Variants in COL21A1 observed in about 807,000 individuals in gnomAD.
COL21A1 encodes collagen alpha-1(XXI) chain.
COL21A1 carries 149 observed loss-of-function variants against 137.9 expected under a neutral mutation model. The observed-to-expected ratio is 1.08, with a 90% CI of 0.95 to 1.24. The LOEUF is 1.24. Among genes scored for constraint, COL21A1 ranks in the 50% most tolerant of loss-of-function variants. The probability of loss-of-function intolerance (pLI) is 0.00; values close to 1 mark genes in which losing one functional copy is unlikely to be tolerated. For synonymous variants in COL21A1, 456 were observed against 391.5 expected (o/e 1.16, Z -1.95); for missense variants, 1,167 against 1,158.4 (o/e 1.01, Z -0.11).
At chr6:56,091,726 G>A (rs942327166) in intron 17 of COL21A1, 1 of 152,218 alleles carries the variant, frequency 6.6e-6, no homozygotes, top group Non-Finnish European at 1.5e-5. Context: ...TTGAGCACCA[G>A]GACAAAAATA....
chr6:56,385,405 C>A (rs1300139246), intron 1 of COL21A1, among the ~76,000 whole-genome samples: 1 of 152,134 alleles, frequency 6.6e-6, no homozygotes, highest in Non-Finnish European at 1.5e-5. Context: ...CATTTTCTTG[C>A]CTTTTCCAGC....
intron 16 of COL21A1, among the ~76,000 whole-genome samples, chr6:56,109,114 A>G (rs1336580700): frequency 6.6e-6 from 1 of 151,808 alleles, no homozygotes; most frequent in Non-Finnish European, 1.5e-5. Context: ...TAGATAAAAA[A>G]TAACAAAAAA....
chr6:56,104,088 A>G (rs1582364732), intron 16 of COL21A1, among the ~76,000 whole-genome samples: 2 of 152,304 alleles, frequency 1.3e-5, no homozygotes, highest in Middle Eastern at 6.8e-3. Context: ...TGTCTTGTTT[A>G]TATGTGTTAT....
rs117140341 is a variant in COL21A1 at position 56,378,002 on chromosome 6, C to T, written c.-39+15969G>A. On this transcript the variant is annotated intron_variant, in intron 1 of 28. Coordinates refer to the COL21A1 transcript ENST00000370819. ...GAACCTGCTTCCCTAAAGGGAAGGA[C>T]CCAGTCCTAGCAGCATTCGTCACCT... Among the ~76,000 whole-genome samples, 32 of 152,184 alleles carry T rather than the reference C, an allele frequency of 2.1e-4. No homozygotes were observed. The East Asian group carries it at 6.0e-3, about 29-fold the overall frequency.
intron 1 of COL21A1, among the ~76,000 whole-genome samples, chr6:56,356,990 C>T (rs1342566136): frequency 6.6e-6 from 1 of 151,834 alleles, no homozygotes; most frequent in Non-Finnish European, 1.5e-5. Context: ...TTTTTCTGGG[C>T]CCACTAAAGA....
chr6:56,317,513 A>G (rs894629069), intron 1 of COL21A1, among the ~76,000 whole-genome samples: 1 of 152,082 alleles, frequency 6.6e-6, no homozygotes, highest in Non-Finnish European at 1.5e-5. Flanking sequence ...AGAAATTTCA[A>G]AATCATGTAG....
upstream of COL21A1, among the ~76,000 whole-genome samples, chr6:56,250,427 C>T (rs1275553172): frequency 6.6e-6 from 1 of 152,262 alleles, no homozygotes; most frequent in African/African-American, 2.4e-5. Context: ...GAACTGCCTG[C>T]GGAGGTCACA....
At chr6:56,358,103 A>AAT (rs777414122) in intron 1 of COL21A1, among the ~76,000 whole-genome samples, 63 of 152,278 alleles carry the variant, frequency 4.1e-4, no homozygotes, top group Admixed American at 1.4e-3. Context: ...ATCATTTAGC[A>AAT]ATATTTCAGT....
At chr6:56,079,575 C>T (rs1055006821) in intron 17 of COL21A1, among the ~76,000 whole-genome samples, 4 of 151,554 alleles carry the variant, frequency 2.6e-5, no homozygotes, top group Non-Finnish European at 5.9e-5. Context: ...CCACAGTTTA[C>T]TCCTTGGATT....
At chr6:56,064,510 C>G in intron 24 of COL21A1, 68 bp downstream of exon 24, 2 of 1,058,852 alleles carry the variant, frequency 1.9e-6, no homozygotes, top group Non-Finnish European at 1.4e-6. Flanking sequence ...GCAAGTAATC[C>G]TCTCTCAGCA....
At chr6:56,107,067 G>A (rs761059281) in intron 16 of COL21A1, among the ~76,000 whole-genome samples, 1 of 152,150 alleles carries the variant, frequency 6.6e-6, no homozygotes, top group Non-Finnish European at 1.5e-5. Context: ...GATTACAGGC[G>A]TGAGCCACCG....
intron 9 of COL21A1, among the ~76,000 whole-genome samples, chr6:56,162,831 G>T (rs79632295): frequency 1.3e-5 from 2 of 152,154 alleles, no homozygotes; most frequent in Non-Finnish European, 2.9e-5. Flanking sequence ...TCTCCCAGGA[G>T]AATTTTATAA....
chr6:56,350,203 G>C (rs1226307654), intron 1 of COL21A1, among the ~76,000 whole-genome samples: 1 of 152,158 alleles, frequency 6.6e-6, no homozygotes, highest in Non-Finnish European at 1.5e-5. Flanking sequence ...CCAAACTGGG[G>C]AGCAGGGGCA....
In COL21A1 at chr6:56,243,167, G is replaced by A. The variant is rs936799978; in HGVS notation, c.-39+4220C>T. ...TCCCATGAATATAGTGTGTAGATAT[G>A]TTCCAGGGACTCTCTTTATAAATGA... is the stretch of plus-strand genomic sequence containing the variant. On this transcript the variant is annotated intron_variant, in intron 1 of 29. Transcript: ENST00000244728. Among the ~76,000 whole-genome samples, 4 of 151,484 alleles carry A rather than the reference G, an allele frequency of 2.6e-5. 1 individual carries two copies. Among genetic ancestry groups the A allele is most frequent in the East Asian group, 3.9e-4 (2 of 5,132 alleles).
At chr6:56,177,651 C>G (rs759973899) in intron 3 of COL21A1, among the ~76,000 whole-genome samples, 15 of 151,508 alleles carry the variant, frequency 9.9e-5, no homozygotes, top group African/African-American at 3.6e-4. Context: ...AAAAATTAGC[C>G]GGGCGTGGTG....
At chr6:56,316,477 C>CTGTTTTTTTT (rs1764738955) in intron 1 of COL21A1, among the ~76,000 whole-genome samples, 1 of 75,784 alleles carries the variant, frequency 1.3e-5, no homozygotes, top group Non-Finnish European at 2.3e-5. Flanking sequence ...TCTAAATAGA[C>CTGTTTTTTTT]TTTTTTTTTT....
At chr6:56,082,335 A>G (rs980256073) in intron 17 of COL21A1, among the ~76,000 whole-genome samples, 4 of 152,028 alleles carry the variant, frequency 2.6e-5, no homozygotes, top group Admixed American at 2.6e-4. Flanking sequence ...AAACAAACAA[A>G]CAAACAAACA....
At position 56,093,369 on chromosome 6, in the gene COL21A1, T is replaced by C. The variant is rs537057927; in HGVS notation, c.1812+8103A>G. On this transcript the variant is annotated intron_variant, in intron 17 of 29. Transcript: ENST00000244728. ...TAAATCGCTCTGAAGTCCTAAATCT[T>C]GTTATCTAAATCAGGTATGGGTATG... Among the ~76,000 whole-genome samples, 11 of 152,318 alleles carry C rather than the reference T, an allele frequency of 7.2e-5. No homozygotes were observed. In the South Asian group the frequency reaches 2.3e-3, roughly 32 times the overall value.
intron 1 of COL21A1, among the ~76,000 whole-genome samples, chr6:56,192,005 A>G (rs1161129075): frequency 6.6e-6 from 1 of 152,158 alleles, no homozygotes; most frequent in Non-Finnish European, 1.5e-5. Context: ...AAACAGATAT[A>G]TAGACCAATG....
Sources: gnomAD v4.1 joint callset for allele counts (sites outside exome capture counted in the v4.1 genomes callset) on GRCh38, gnomAD v4.1.1 for gene constraint, MANE v1.5 for transcripts, NCBI Gene and HGNC (gene_info 2026-07-23, HGNC 2026-07-21) for gene names.